ZNF385D: variants seen among roughly 807,000 people sequenced by gnomAD.
The protein encoded by ZNF385D is zinc finger protein 385D.
ZNF385D carries 15 observed loss-of-function variants against 35.8 expected under a neutral mutation model. The ratio of observed to expected loss-of-function variants is 0.42; its 90% CI spans 0.28 to 0.64. ZNF385D has a LOEUF of 0.64. ZNF385D is among the 30% of genes least tolerant of loss of function. The probability of loss-of-function intolerance (pLI) is 0.23; values close to 1 mark genes in which losing one functional copy is unlikely to be tolerated. For synonymous variants in ZNF385D, 212 were observed against 186.8 expected (o/e 1.13, Z -1.10); for missense variants, 474 against 494.6 (o/e 0.96, Z 0.39).
intron 3 of ZNF385D, among the ~76,000 whole-genome samples, chr3:21,899,241 T>G (rs1014392234): frequency 1.7e-4 from 26 of 152,030 alleles, no homozygotes; most frequent in Non-Finnish European, 1.5e-4. Context: ...GCCCAAAGTA[T>G]CAATAGTGCC....
chr3:22,028,696 C>G (rs567152280), intron 3 of ZNF385D, among the ~76,000 whole-genome samples: 77 of 152,314 alleles, frequency 5.1e-4, no homozygotes, highest in African/African-American at 1.7e-3. Context: ...GTATTCCACA[C>G]AGCATTGCCT....
At chr3:21,784,035 G>A (rs539494122) in intron 3 of ZNF385D, among the ~76,000 whole-genome samples, 2 of 152,160 alleles carry the variant, frequency 1.3e-5, no homozygotes, top group African/African-American at 4.8e-5. Context: ...TATCAGCATT[G>A]CCAGACTAAT....
intron 3 of ZNF385D, among the ~76,000 whole-genome samples, chr3:22,161,627 A>G (rs1186467394): frequency 1.3e-5 from 2 of 152,132 alleles, no homozygotes; most frequent in African/African-American, 4.8e-5. Context: ...CATCTTCAAA[A>G]AAGTATGCTA....
rs148679104 is a variant in ZNF385D, at chr3:22,315,941, C to T, written c.106+56509G>A. Among the ~76,000 whole-genome samples the T allele has an allele frequency of 3.7e-3, 563 of 152,270 alleles. 7 individuals are homozygous for T. The highest frequency in any genetic ancestry group is 0.029 in the South Asian group (142 of 4,824). On this transcript the variant is annotated intron_variant, in intron 2 of 5. Coordinates refer to the ZNF385D transcript ENST00000494108. ...AAAAAGTAGGCATAGTTCCTATAAT[C>T]CCTTACTGCTACAGTCATGTAGCCA...
chr3:22,048,019 T>C (rs1699111604), intron 3 of ZNF385D, among the ~76,000 whole-genome samples: 1 of 152,190 alleles, frequency 6.6e-6, no homozygotes, highest in African/African-American at 2.4e-5. Flanking sequence ...AGTTTTCATT[T>C]ACTTGTGGTC....
At chr3:22,281,075 A>G (rs942905246) in intron 2 of ZNF385D, among the ~76,000 whole-genome samples, 2 of 152,020 alleles carry the variant, frequency 1.3e-5, no homozygotes, top group Non-Finnish European at 2.9e-5. Context: ...TGATTTCTGT[A>G]CATTCATTTT....
At chr3:22,261,996 G>A (rs1700658057) in intron 2 of ZNF385D, among the ~76,000 whole-genome samples, 1 of 151,880 alleles carries the variant, frequency 6.6e-6, no homozygotes, top group African/African-American at 2.4e-5. Context: ...AGCCTGACTG[G>A]TAGAAATAGA....
At chr3:21,573,764 T>G (rs918365317) in intron 2 of ZNF385D, among the ~76,000 whole-genome samples, 4 of 151,986 alleles carry the variant, frequency 2.6e-5, no homozygotes, top group African/African-American at 9.7e-5. Flanking sequence ...TTTATAACTC[T>G]TAAAGAAATA....
chr3:21,973,730 G>T (rs1171325639), intron 3 of ZNF385D, among the ~76,000 whole-genome samples: 5 of 152,000 alleles, frequency 3.3e-5, no homozygotes, highest in African/African-American at 4.8e-5. Flanking sequence ...CAGTAAAGTT[G>T]CAGGATACAA....
intron 3 of ZNF385D, among the ~76,000 whole-genome samples, chr3:21,553,194 C>T (rs993381389): frequency 6.6e-6 from 1 of 152,152 alleles, no homozygotes; most frequent in African/African-American, 2.4e-5. Context: ...CTGACTTTAT[C>T]CTAGTGAGAC....
chr3:22,074,351 C>T (rs939300641), intron 3 of ZNF385D, among the ~76,000 whole-genome samples: 1 of 151,984 alleles, frequency 6.6e-6, no homozygotes, highest in Non-Finnish European at 1.5e-5. Flanking sequence ...AGCTGTAATT[C>T]TATCCTTTGC....
At chr3:21,522,529 G>T (rs533344914) in intron 3 of ZNF385D, among the ~76,000 whole-genome samples, 1 of 152,016 alleles carries the variant, frequency 6.6e-6, no homozygotes, top group Non-Finnish European at 1.5e-5. Context: ...TAGTAGAGAC[G>T]GGGTTTCACT....
At chr3:22,106,267 C>T (rs779222344) in intron 3 of ZNF385D, among the ~76,000 whole-genome samples, 8 of 152,086 alleles carry the variant, frequency 5.3e-5, no homozygotes, top group African/African-American at 1.2e-4. Context: ...CAAACCTATG[C>T]CCTTAACACA....
At position 22,041,553 on chromosome 3, in the gene ZNF385D, A is replaced by G. The variant is rs533428183; in HGVS notation, c.325+127264T>C. Among the ~76,000 whole-genome samples, 10 of 152,324 alleles carry G rather than the reference A, an allele frequency of 6.6e-5. No individual in the cohort carries two copies. The East Asian group carries it at 1.2e-3, about 18-fold the overall frequency. On this transcript the variant is annotated intron_variant, in intron 3 of 5. Transcript: ENST00000494108. ...CTTCACTACAATATCATTACTATTA[A>G]AAATCTCTTGGGGTTTTTGATGCCA...
At chr3:21,842,961 A>C (rs1428137493) in intron 3 of ZNF385D, among the ~76,000 whole-genome samples, 1 of 152,108 alleles carries the variant, frequency 6.6e-6, no homozygotes, top group East Asian at 1.9e-4. Context: ...ACTGCATTAC[A>C]TGCAGAATGC....
chr3:22,050,270 G>A (rs905373987), intron 3 of ZNF385D, among the ~76,000 whole-genome samples: 3 of 151,888 alleles, frequency 2.0e-5, no homozygotes, highest in African/African-American at 4.8e-5. Context: ...GCTGGGGTGG[G>A]AAGACTGCTT....
intron 3 of ZNF385D, among the ~76,000 whole-genome samples, chr3:21,819,779 A>G (rs35298079): frequency 0.38 from 37,493 of 99,238 alleles, 5,036 homozygotes; most frequent in Middle Eastern, 0.47. Context: ...ATTAATACAC[A>G]TAAATATAAT....
intron 3 of ZNF385D, among the ~76,000 whole-genome samples, chr3:22,039,285 T>G (rs1351838920): frequency 4.1e-5 from 6 of 147,074 alleles, no homozygotes; most frequent in Non-Finnish European, 7.4e-5. Flanking sequence ...AGTCTATGTA[T>G]AAGCAGGCTC....
At chr3:21,918,664 A>G (rs1191085944) in intron 3 of ZNF385D, among the ~76,000 whole-genome samples, 2 of 152,196 alleles carry the variant, frequency 1.3e-5, no homozygotes, top group Admixed American at 1.3e-4. Flanking sequence ...ACAACAATAA[A>G]TTATTCATTA....
Sources: gnomAD v4.1 joint callset for allele counts (sites outside exome capture counted in the v4.1 genomes callset) on GRCh38, gnomAD v4.1.1 for gene constraint, MANE v1.5 for transcripts, NCBI Gene and HGNC (gene_info 2026-07-23, HGNC 2026-07-21) for gene names.